COL11A1: variants seen among roughly 807,000 people sequenced by gnomAD.
COL11A1 encodes the protein collagen type XI alpha 1 chain.
Under a neutral mutation model 265.2 loss-of-function variants are expected in COL11A1, and 74 were observed. The observed-to-expected ratio is 0.28, with a 90% CI of 0.23 to 0.34. The LOEUF is 0.34. Among genes scored for constraint, COL11A1 ranks in the 10% least tolerant of loss-of-function variants. The pLI, the probability that COL11A1 is intolerant of heterozygous loss-of-function variation, is 1.00. For synonymous variants in COL11A1, 816 were observed against 727.6 expected (o/e 1.12, Z -1.96); for missense variants, 2,165 against 2,263.6 (o/e 0.96, Z 0.88).
chr1:103,075,470 G>A (rs1346949534), intron 3 of COL11A1, among the ~76,000 whole-genome samples: 1 of 152,112 alleles, frequency 6.6e-6, no homozygotes, highest in Non-Finnish European at 1.5e-5. Context: ...GTCAACGCAT[G>A]TGTGGAATGA....
At chr1:102,903,652 T>C (rs1457883070) in intron 54 of COL11A1, among the ~76,000 whole-genome samples, 3 of 152,200 alleles carry the variant, frequency 2.0e-5, no homozygotes, top group African/African-American at 7.2e-5. Flanking sequence ...AATATGCTCT[T>C]GCTATTTTCA....
At chr1:103,063,562 A>C (rs1049558985) in intron 4 of COL11A1, among the ~76,000 whole-genome samples, 1 of 152,298 alleles carries the variant, frequency 6.6e-6, no homozygotes, top group African/African-American at 2.4e-5. Context: ...AGAAAAATTA[A>C]GTCATAATGG....
intron 4 of COL11A1, among the ~76,000 whole-genome samples, chr1:103,060,428 A>C (rs1430986998): frequency 6.6e-6 from 1 of 152,164 alleles, no homozygotes; most frequent in African/African-American, 2.4e-5. Flanking sequence ...AGAATGAATA[A>C]GTGAAGGTAA....
At position 102,898,144 on chromosome 1, in the gene COL11A1, T is replaced by C. The variant is rs137860254; in HGVS notation, c.4283A>G (p.Asp1428Gly). The stretch of plus-strand genomic sequence containing the variant: ...ACTCACCATAGGACCAGGTGGTCCA[T>C]CTTGGCCTGCAGCTCCAGGGAGACC... The part of the protein sequence containing the change: ...EQGLPGAAGQ[D>G]GPPGPMGPPG... The change falls in exon 57 of 67, where the codon GAT becomes GGT. Residue 1428 changes from aspartate to glycine, a missense_variant. Coordinates refer to ENST00000370096, the MANE Select transcript of COL11A1 (RefSeq NM_001854.4). 2.6e-6 allele frequency: 4 copies of C among 1,537,584 alleles called. No individual in the cohort carries two copies. Among genetic ancestry groups the C allele is most frequent in the Non-Finnish European group, 3.5e-6 (4 of 1,136,708 alleles).
chr1:103,067,717 A>T (rs572835679), intron 4 of COL11A1, among the ~76,000 whole-genome samples: 208 of 151,756 alleles, frequency 1.4e-3, no homozygotes, highest in Admixed American at 6.9e-3. Flanking sequence ...CAAATTATTG[A>T]TCTGGGGGGA....
intron 65 of COL11A1, among the ~76,000 whole-genome samples, chr1:102,881,294 T>C (rs1650210303): frequency 6.6e-6 from 1 of 152,036 alleles, no homozygotes; most frequent in Non-Finnish European, 1.5e-5. Flanking sequence ...AGTTGCACAT[T>C]CCAACTTATT....
chr1:102,940,402 T>A lies in COL11A1; in HGVS notation c.3309A>T (p.Arg1103Ser), dbSNP rs151004249. ...GACCAACAGGACCTTGAACTCCATC[T>A]CTCCCTGCAGGCCCTTGGGGACCTT... is the stretch of plus-strand genomic sequence containing the variant. ...GEKGPQGPAG[R>S]DGVQGPVGLP... The change falls in exon 43 of 67, where the codon AGA becomes AGT. Residue 1103 changes from arginine to serine, a missense_variant. By Grantham distance (110) the Arg-to-Ser change is moderately radical. Coordinates refer to ENST00000370096, the MANE Select transcript of COL11A1 (RefSeq NM_001854.4). 6.2e-7 allele frequency: 1 copy of A among 1,613,950 alleles called. No individual in the cohort carries two copies. The highest frequency in any genetic ancestry group is 2.2e-5 in the East Asian group (1 of 44,864).
At chr1:103,095,502 C>A (rs1673679762) in intron 1 of COL11A1, among the ~76,000 whole-genome samples, 2 of 152,022 alleles carry the variant, frequency 1.3e-5, no homozygotes, top group Non-Finnish European at 2.9e-5. Context: ...GTTCCTCTAT[C>A]CTGCTATTCT....
At chr1:103,083,754 T>G (rs1672626355) in intron 1 of COL11A1, among the ~76,000 whole-genome samples, 1 of 152,166 alleles carries the variant, frequency 6.6e-6, no homozygotes, top group African/African-American at 2.4e-5. Context: ...TGGATATTAC[T>G]CCATACTTCA....
rs774618871 is a variant in COL11A1, at chr1:103,022,769, T to C, written c.1218A>G (p.Pro406=). The part of the protein sequence containing the change: ...PPNEEFGPGV[P]AETDITETSI... ...TTGTTTCTGTAATATCAGTTTCTGC[T>C]GGTACACCTGGACCAAATTCTTCAT... The change falls in exon 8 of 67, where the codon CCA becomes CCG. Residue 406 remains proline, a synonymous_variant. Coordinates refer to ENST00000370096, the MANE Select transcript of COL11A1 (RefSeq NM_001854.4). The C allele has an allele frequency of 6.2e-7, 1 of 1,613,604 alleles. No individual in the cohort carries two copies. Among genetic ancestry groups the C allele is most frequent in the East Asian group, 2.2e-5 (1 of 44,854 alleles).
Position 102,920,185 on chromosome 1 carries a change from A to G in COL11A1, c.3762+126T>C. The G allele has an allele frequency of 7.7e-6, 7 of 912,078 alleles. No individual in the cohort carries two copies. In the South Asian group the frequency reaches 7.9e-5, roughly 10 times the overall value. 56.5% of individuals were successfully genotyped at this position (912,078 alleles called of 1,614,324 possible). ...TTAATTTTTGCAACTACTAGATGAC[A>G]TGTGAATCATATAACTATGTAAAAG... On this transcript the variant is annotated intron_variant, in intron 49 of 66. Coordinates refer to ENST00000370096, the MANE Select transcript of COL11A1 (RefSeq NM_001854.4).
chr1:102,939,741 G>GA (rs1658527215), intron 43 of COL11A1, among the ~76,000 whole-genome samples: 1 of 151,880 alleles, frequency 6.6e-6, no homozygotes, highest in Non-Finnish European at 1.5e-5. Context: ...CAAAATAATG[G>GA]AAAAAATTCT....
At chr1:102,883,002 A>C (rs1021570840) in intron 64 of COL11A1, among the ~76,000 whole-genome samples, 197 bp downstream of exon 64, 1 of 152,204 alleles carries the variant, frequency 6.6e-6, no homozygotes, top group Non-Finnish European at 1.5e-5. Context: ...TGGGTAAAAA[A>C]TAAAGAAGAG....
rs1651079356 is a variant in COL11A1, at chr1:102,887,045, A to C, written c.4620T>G (p.Gly1540=). ...AGATTGGTAAAGGCTGAATGACTTC[A>C]CCAGGTGGACCCTGTAAAGAAGATA... ...PGPPGSPGPP[G]EVIQPLPILS... is the part of the protein sequence containing the mutation. The change falls in exon 63 of 67, where the codon GGT becomes GGG. Residue 1540 remains glycine (G), a synonymous_variant. Transcript: ENST00000370096. 1 of 1,613,742 alleles carries C rather than the reference A, an allele frequency of 6.2e-7. No individual in the cohort carries two copies. The highest frequency in any genetic ancestry group is 8.5e-7 in the Non-Finnish European group (1 of 1,179,824).
intron 28 of COL11A1, 27 bp from the exon 29 acceptor site, chr1:102,989,598 A>G (rs113486977): frequency 1.6e-5 from 25 of 1,542,428 alleles, no homozygotes; most frequent in African/African-American, 8.2e-5. Context: ...GGAATTAAAT[A>G]GGAGTTTAAT....
intron 63 of COL11A1, among the ~76,000 whole-genome samples, chr1:102,885,669 T>C (rs1650875253): frequency 6.6e-6 from 1 of 152,078 alleles, no homozygotes. Context: ...TTTTACCAAG[T>C]AGAGATAACC....
At chr1:102,984,451 AC>A (rs1159007638) in intron 30 of COL11A1, among the ~76,000 whole-genome samples, 11 of 152,014 alleles carry the variant, frequency 7.2e-5, no homozygotes, top group Admixed American at 7.2e-4. Flanking sequence ...AGGTACATGA[AC>A]CCTGAGGTTT....
intron 1 of COL11A1, among the ~76,000 whole-genome samples, chr1:103,084,144 T>C (rs560982572): frequency 6.6e-6 from 1 of 152,308 alleles, no homozygotes; most frequent in South Asian, 2.1e-4. Flanking sequence ...TACAATTCAG[T>C]AGCATTAATT....
rs2622858 is a variant in COL11A1 at position 102,987,823 on chromosome 1, G to C, written c.2395-83C>G. The C allele has an allele frequency of 0.23, 225,057 of 989,588 alleles. 27,462 individuals carry two copies. The highest frequency in any genetic ancestry group is 0.32 in the African/African-American group (20,294 of 63,048). The allele number at this position is 989,588 out of a possible 1,614,324, so 61.3% of individuals were successfully genotyped here. ...CAGGGAAAAAATTATGACAGTGAAA[G>C]AGATCTGATATAATAAACTCCATCT... On this transcript the variant is annotated intron_variant, in intron 29 of 66. Transcript: ENST00000370096.
Sources: gnomAD v4.1 joint callset for allele counts (sites outside exome capture counted in the v4.1 genomes callset) on GRCh38, gnomAD v4.1.1 for gene constraint, MANE v1.5 for transcripts, NCBI Gene and HGNC (gene_info 2026-07-23, HGNC 2026-07-21) for gene names.